The following AMPD1 variants were observed in gnomAD, a reference collection of about 807,000 sequenced individuals.
AMPD1 encodes the protein AMP deaminase 1.
AMPD1 carries 74 observed loss-of-function variants against 82.9 expected under a neutral mutation model. The observed-to-expected ratio is 0.89, with a 90% confidence interval of 0.74 to 1.08. The LOEUF (loss-of-function observed/expected upper bound fraction) is 1.08, where lower values mean the gene tolerates loss of function less well. AMPD1 is among the 50% of genes least tolerant of loss of function. The pLI, the probability that AMPD1 is intolerant of heterozygous loss-of-function variation, is 0.00. For synonymous variants in AMPD1, 333 were observed against 320.5 expected, an observed-to-expected ratio of 1.04 and a Z score of -0.42; for missense variants, 881 against 924.5, an observed-to-expected ratio of 0.95 and a Z score of 0.61.
chr1:114,678,584 T>C, intron 7 of AMPD1, 57 bp from the exon 8 acceptor site: 5 of 1,484,666 alleles, frequency 3.4e-6, no homozygotes, highest in Non-Finnish European at 4.7e-6. Flanking sequence ...TATGCTACTC[T>C]GTTTAGAGGA....
chr1:114,675,855 A>G, intron 11 of AMPD1, 22 bp downstream of exon 11: 1 of 1,614,160 alleles, frequency 6.2e-7, no homozygotes, highest in Non-Finnish European at 8.5e-7. Context: ...AGCAGTATGA[A>G]GGCCTGAAGG....
At chr1:114,676,328 A>G (rs186407155) in intron 10 of AMPD1, 11 of 342,510 alleles carry the variant, frequency 3.2e-5, no homozygotes, top group Non-Finnish European at 5.6e-5. Flanking sequence ...ATATGTGTGT[A>G]ACTACAAGAC....
chr1:114,682,839 A>G (rs1246928025), intron 5 of AMPD1, among the ~76,000 whole-genome samples: 2 of 152,154 alleles, frequency 1.3e-5, no homozygotes, highest in African/African-American at 2.4e-5. Context: ...TGGCCTCCCA[A>G]AGTGCTGGGA....
At chr1:114,690,601 C>T (rs1489196840) in intron 2 of AMPD1, among the ~76,000 whole-genome samples, 2 of 152,074 alleles carry the variant, frequency 1.3e-5, no homozygotes, top group East Asian at 1.9e-4. Flanking sequence ...CAACTGAAAC[C>T]GAAAAGCATC....
chr1:114,673,502 C>T (rs1657891610), intron 15 of AMPD1, 137 bp downstream of exon 15: 2 of 866,816 alleles, frequency 2.3e-6, no homozygotes, highest in Admixed American at 2.0e-5. Flanking sequence ...ATAGAATAAT[C>T]CCTTCTAGTC....
intron 12 of AMPD1, 28 bp from the exon 13 acceptor site, chr1:114,674,900 C>T (rs368514453): frequency 4.7e-5 from 76 of 1,613,734 alleles, no homozygotes; most frequent in African/African-American, 1.9e-4. Context: ...CTATTGGAAT[C>T]GCAGGTTCTG....
At chr1:114,684,072 G>A (rs1658239103) in intron 5 of AMPD1, 127 bp downstream of exon 5, 1 of 1,049,988 alleles carries the variant, frequency 9.5e-7, no homozygotes. Flanking sequence ...GAGGAAATGG[G>A]GCCAAAGATG....
intron 5 of AMPD1, among the ~76,000 whole-genome samples, chr1:114,680,861 A>T (rs952616889): frequency 1.3e-5 from 2 of 152,158 alleles, no homozygotes; most frequent in Non-Finnish European, 2.9e-5. Context: ...TCAGCTACTC[A>T]GGAGGCTGAG....
chr1:114,678,011 A>G lies in AMPD1; in HGVS notation c.1123T>C (p.Phe375Leu), dbSNP rs1256461622. The G allele has an allele frequency of 2.5e-6, 4 of 1,614,028 alleles. No homozygotes were observed. The highest frequency in any genetic ancestry group is 3.4e-6 in the Non-Finnish European group (4 of 1,180,018). ...CCTACAGGATTATATTTGTCATTGA[A>G]CTTATCAAAACGCTGGAAGGTCTGG... ...GRQTFQRFDKFNDKYNPVGAS... is the reference protein window; with the variant it reads ...GRQTFQRFDKLNDKYNPVGAS... Residue 375 changes from phenylalanine to leucine, a missense_variant, in exon 9 of 16, where the codon TTC becomes CTC. By Grantham distance (22) the Phe-to-Leu change is conservative. This residue lies in a region of AMPD1 where 783 missense variants were observed against 786.4 expected (regional missense o/e 1.00). Coordinates refer to ENST00000520113, the MANE Select transcript of AMPD1 (RefSeq NM_000036.3).
Position 114,688,605 on chromosome 1 carries a change from G to A in AMPD1, c.171C>T (p.His57=). The part of the protein sequence containing the change: ...CPISHHEMQA[H]IFHLETLSTS... The stretch of plus-strand genomic sequence containing the variant: ...TGGACAGAGTCTCCAGATGGAATAT[G>A]TGTGCTTGCATCTCATGATGAGAAA... The change falls in exon 3 of 16, where the codon CAC becomes CAT. Residue 57 remains histidine (H), a synonymous_variant. Transcript: ENST00000520113. The A allele has an allele frequency of 6.2e-7, 1 of 1,614,196 alleles. No individual in the cohort carries two copies. The highest frequency in any genetic ancestry group is 8.5e-7 in the Non-Finnish European group (1 of 1,180,042).
rs1438405202 is a variant in AMPD1, at chr1:114,680,538, T to C, written c.548-60A>G. 3.5e-6 allele frequency: 5 copies of C among 1,438,990 alleles called. No individual in the cohort carries two copies. The African/African-American group carries it at 5.6e-5, about 16-fold the overall frequency. The allele number at this position is 1,438,990 out of a possible 1,614,324, so 89.1% of individuals were successfully genotyped here. Reference sequence around the variant, plus strand: ...CATAGGATGAACGACCACATAAAAATAACCAAAATGTGAAATACTACAACA... The same window carrying C: ...CATAGGATGAACGACCACATAAAAACAACCAAAATGTGAAATACTACAACA... On this transcript the variant is annotated intron_variant, in intron 5 of 15. Coordinates refer to ENST00000520113, the MANE Select transcript of AMPD1 (RefSeq NM_000036.3).
At chr1:114,682,665 G>GC (rs1409879777) in intron 5 of AMPD1, among the ~76,000 whole-genome samples, 2 of 150,650 alleles carry the variant, frequency 1.3e-5, no homozygotes, top group Admixed American at 6.7e-5. Flanking sequence ...TGCAAGCTCC[G>GC]CCTCCCGGGT....
intron 3 of AMPD1, among the ~76,000 whole-genome samples, chr1:114,687,227 A>T (rs1658349170): frequency 6.6e-6 from 1 of 152,118 alleles, no homozygotes; most frequent in African/African-American, 2.4e-5. Context: ...AACACAGGCT[A>T]TGTCAGTTAC....
In AMPD1 at chr1:114,677,522, G is replaced by T. The variant is rs374106894; in HGVS notation, c.1225-8C>A. ...CAGGTCCGCACCTACCTCCTGCAAA[G>T]CCAAGAGAGAAGTCCAAGCCAGGGA... is the stretch of plus-strand genomic sequence containing the variant. On this transcript the variant is annotated splice_region_variant and splice_polypyrimidine_tract_variant and intron_variant, in intron 9 of 15. Transcript: ENST00000520113. The T allele has an allele frequency of 6.2e-7, 1 of 1,613,570 alleles. No homozygotes were observed. Among genetic ancestry groups the T allele is most frequent in the East Asian group, 2.2e-5 (1 of 44,868 alleles).
intron 1 of AMPD1, among the ~76,000 whole-genome samples, chr1:114,694,735 T>G (rs1023428088): frequency 3.9e-5 from 6 of 152,074 alleles, no homozygotes; most frequent in Non-Finnish European, 7.4e-5. Context: ...TCCCAGCTAC[T>G]CGGGAGGCTG....
chr1:114,690,426 A>G (rs751626316), intron 2 of AMPD1, among the ~76,000 whole-genome samples: 11 of 152,204 alleles, frequency 7.2e-5, no homozygotes, highest in Non-Finnish European at 1.2e-4. Context: ...GACTTAGTAC[A>G]TGATGAAATG....
In AMPD1 at chr1:114,693,464, A is replaced by C; in HGVS notation, c.23-17T>G. On this transcript the variant is annotated splice_polypyrimidine_tract_variant and intron_variant, in intron 1 of 15. Transcript: ENST00000520113. ...TCTCTTCAGCTGTATGAAGTAAAATAAAACAAGATAAAATATGTGAACAAC... is the reference window on the plus strand; with the variant it reads ...TCTCTTCAGCTGTATGAAGTAAAATCAAACAAGATAAAATATGTGAACAAC... 6.2e-7 allele frequency: 1 copy of C among 1,604,920 alleles called. No individual in the cohort carries two copies. Among genetic ancestry groups the C allele is most frequent in the South Asian group, 1.1e-5 (1 of 90,884 alleles).
At chr1:114,685,903 T>A (rs764449390) in intron 4 of AMPD1, among the ~76,000 whole-genome samples, 13 of 152,180 alleles carry the variant, frequency 8.5e-5, no homozygotes, top group Non-Finnish European at 1.8e-4. Context: ...CTTTTAAGTA[T>A]CTTAGGACTG....
intron 1 of AMPD1, among the ~76,000 whole-genome samples, chr1:114,695,073 G>A (rs997551095): frequency 6.6e-6 from 1 of 151,990 alleles, no homozygotes; most frequent in Non-Finnish European, 1.5e-5. Context: ...ACACACATGG[G>A]TTATTTTTGT....
Sources: allele counts gnomAD v4.1 joint callset (sites outside exome capture counted in the v4.1 genomes callset), GRCh38; gene constraint gnomAD v4.1.1; regional missense constraint gnomAD v4.1.1; transcripts MANE v1.5; gene names NCBI Gene and HGNC (gene_info 2026-07-23, HGNC 2026-07-21).